The following EFCAB5 variants were observed in gnomAD, a reference collection of about 807,000 sequenced individuals.
The protein encoded by EFCAB5 is EF-hand calcium binding domain 5, also known as EF-hand calcium-binding domain-containing protein 5.
In EFCAB5, 131 loss-of-function variants were observed where a neutral mutation model predicts 167.9. The ratio of observed to expected loss-of-function variants is 0.78; its 90% CI spans 0.68 to 0.90. The LOEUF is 0.90. EFCAB5 is among the 40% of genes least tolerant of loss of function. EFCAB5 has a pLI of 0.00. For synonymous variants in EFCAB5, 574 were observed against 602.8 expected, an observed-to-expected ratio of 0.95 and a Z score of 0.70; for missense variants, 1,663 against 1,745.2, an observed-to-expected ratio of 0.95 and a Z score of 0.84.
rs187163388 is a variant in EFCAB5, at chr17:30,011,633, T to C, written c.1044+11657T>C. ...TCTGTTATTGGTGTATCAGAATGCT[T>C]GTGATTTTTGCAGATTGATTTTTGT... On this transcript the variant is annotated intron_variant, in intron 7 of 22. Transcript: ENST00000394835. Among the ~76,000 whole-genome samples the C allele has an allele frequency of 3.5e-3, 532 of 152,314 alleles. 3 individuals carry two copies. The highest frequency in any genetic ancestry group is 0.012 in the African/African-American group (503 of 41,568).
chr17:30,092,281 G>A (rs1445400673), intron 21 of EFCAB5, 124 bp downstream of exon 21: 17 of 1,015,492 alleles, frequency 1.7e-5, no homozygotes, highest in Admixed American at 2.8e-5. Context: ...AGTGGAACAC[G>A]TTCACGTAAC....
At chr17:29,995,511 C>G (rs1056992199) in intron 5 of EFCAB5, among the ~76,000 whole-genome samples, 18 of 152,176 alleles carry the variant, frequency 1.2e-4, no homozygotes, top group African/African-American at 4.3e-4. Flanking sequence ...TCTCCTGGTA[C>G]AATTCTTGGA....
At chr17:30,067,720 C>T (rs1348357677) in intron 14 of EFCAB5, among the ~76,000 whole-genome samples, 1 of 152,074 alleles carries the variant, frequency 6.6e-6, no homozygotes, top group Non-Finnish European at 1.5e-5. Flanking sequence ...ACAAAGGCAA[C>T]ATCATACTAA....
intron 4 of EFCAB5, among the ~76,000 whole-genome samples, chr17:29,986,538 A>G (rs758065343): frequency 1.3e-5 from 2 of 151,836 alleles, no homozygotes; most frequent in Non-Finnish European, 2.9e-5. Flanking sequence ...CTGCAGTGCA[A>G]TCTTCCCAAA....
chr17:30,108,029 G>A lies in EFCAB5; in HGVS notation c.*5G>A, dbSNP rs750271208. On this transcript the variant is annotated 3_prime_UTR_variant, in exon 23 of 23. Coordinates refer to ENST00000394835, the MANE Select transcript of EFCAB5 (RefSeq NM_198529.4). ...GAAGGTTTGCAAGAGAAGTGATAAT[G>A]GATGATAATGGAATTGATACTGTAT... The A allele has an allele frequency of 1.9e-6, 3 of 1,601,276 alleles. No individual in the cohort carries two copies. The highest frequency in any genetic ancestry group is 2.6e-6 in the Non-Finnish European group (3 of 1,176,394).
chr17:29,983,143 A>G (rs1195190981), intron 4 of EFCAB5, among the ~76,000 whole-genome samples: 4 of 152,208 alleles, frequency 2.6e-5, no homozygotes, highest in Non-Finnish European at 5.9e-5. Context: ...CACTCATGAG[A>G]TGCAGTAAGA....
intron 3 of EFCAB5, among the ~76,000 whole-genome samples, chr17:29,947,186 A>G (rs1433720700): frequency 6.6e-6 from 1 of 152,028 alleles, no homozygotes; most frequent in Admixed American, 6.5e-5. Flanking sequence ...AAAAAAAAAA[A>G]AGAAAAAGAA....
chr17:30,084,307 C>T (rs2071044647), intron 18 of EFCAB5, among the ~76,000 whole-genome samples: 1 of 152,118 alleles, frequency 6.6e-6, no homozygotes, highest in Admixed American at 6.5e-5. Flanking sequence ...TTGAAGGGCC[C>T]CAGCTACAAT....
intron 19 of EFCAB5, among the ~76,000 whole-genome samples, chr17:30,089,096 C>G (rs901962324): frequency 8.5e-5 from 13 of 152,074 alleles, no homozygotes; most frequent in African/African-American, 2.9e-4. Context: ...CCCCTTCCCT[C>G]CACCCCACGA....
chr17:29,985,392 A>G (rs934381503), intron 4 of EFCAB5, among the ~76,000 whole-genome samples: 5 of 152,206 alleles, frequency 3.3e-5, no homozygotes, highest in Non-Finnish European at 7.3e-5. Flanking sequence ...CACCCTAGAC[A>G]TGAATGCTGA....
At chr17:29,947,630 A>G (rs1017330679) in intron 3 of EFCAB5, among the ~76,000 whole-genome samples, 2 of 152,088 alleles carry the variant, frequency 1.3e-5, no homozygotes, top group African/African-American at 4.8e-5. Flanking sequence ...TAAACTTAGT[A>G]CTGTTTTCAC....
At chr17:30,030,510 A>AT (rs1371077733) in intron 7 of EFCAB5, among the ~76,000 whole-genome samples, 3 of 151,996 alleles carry the variant, frequency 2.0e-5, no homozygotes, top group African/African-American at 7.2e-5. Flanking sequence ...TGCCTGGCTA[A>AT]TTTTTTATTT....
At chr17:29,994,626 T>C (rs550931826) in intron 5 of EFCAB5, among the ~76,000 whole-genome samples, 1 of 152,202 alleles carries the variant, frequency 6.6e-6, no homozygotes, top group Non-Finnish European at 1.5e-5. Flanking sequence ...ATAAGCTCTA[T>C]CAGGCTGGGC....
At chr17:29,941,531 A>G (rs764487070), upstream of EFCAB5, 4 of 284,032 alleles carry the variant, frequency 1.4e-5, no homozygotes, top group Non-Finnish European at 2.6e-5. Flanking sequence ...AGTAATGATT[A>G]CTATGGTGAG....
At chr17:30,068,987 A>G (rs1031274380) in intron 14 of EFCAB5, 2 of 1,455,448 alleles carry the variant, frequency 1.4e-6, no homozygotes, top group African/African-American at 2.8e-5. Context: ...GAAGCTCACA[A>G]GGAGATACAT....
At chr17:29,940,799 G>A (rs1022059597), upstream of EFCAB5, among the ~76,000 whole-genome samples, 2 of 152,054 alleles carry the variant, frequency 1.3e-5, no homozygotes, top group Non-Finnish European at 2.9e-5. Context: ...CAGCACTTTC[G>A]GAGGCTGAGG....
chr17:30,039,264 C>T (rs1438918714), intron 8 of EFCAB5, among the ~76,000 whole-genome samples: 1 of 152,094 alleles, frequency 6.6e-6, no homozygotes, highest in East Asian at 1.9e-4. Context: ...ACATCACACC[C>T]GAGTCAAGCA....
At chr17:30,014,372 G>A (rs184701863) in intron 7 of EFCAB5, among the ~76,000 whole-genome samples, 3 of 152,044 alleles carry the variant, frequency 2.0e-5, no homozygotes, top group Admixed American at 6.6e-5. Context: ...AACCTGTCTC[G>A]TTGATCTGTC....
chr17:30,003,070 A>C (rs1285735923), intron 7 of EFCAB5, among the ~76,000 whole-genome samples: 1 of 80,426 alleles, frequency 1.2e-5, no homozygotes, highest in Non-Finnish European at 2.4e-5. Flanking sequence ...AGATTCTGTT[A>C]TTTCTTTTTT....
Sources: gnomAD v4.1 joint callset for allele counts (sites outside exome capture counted in the v4.1 genomes callset) on GRCh38, gnomAD v4.1.1 for gene constraint, MANE v1.5 for transcripts, NCBI Gene and HGNC (gene_info 2026-07-23, HGNC 2026-07-21) for gene names.